Variants in ADGRL3 observed in about 807,000 individuals in gnomAD.
ADGRL3 encodes the protein calcium-independent alpha-latrotoxin receptor 3.
ADGRL3 carries 62 observed loss-of-function variants against 153.5 expected under a neutral mutation model. The observed-to-expected ratio is 0.40, with a 90% CI of 0.33 to 0.50. The LOEUF (loss-of-function observed/expected upper bound fraction) is 0.50, where lower values mean the gene tolerates loss of function less well. Ranked by LOEUF, ADGRL3 falls within the 20% of genes least tolerant of loss-of-function variation. The pLI, the probability that ADGRL3 is intolerant of heterozygous loss-of-function variation, is 0.47. For missense variants in ADGRL3, 1,641 were observed against 1,859.4 expected (o/e 0.88, Z 2.16); for synonymous variants, 710 against 672.5 (o/e 1.06, Z -0.86).
intron 2 of ADGRL3, among the ~76,000 whole-genome samples, chr4:61,415,622 A>C (rs895511474): frequency 2.0e-5 from 3 of 152,004 alleles, no homozygotes; most frequent in African/African-American, 7.2e-5. Context: ...GTCATACATA[A>C]ATTTGACCAT....
At chr4:61,649,209 T>A (rs1386294599) in intron 5 of ADGRL3, among the ~76,000 whole-genome samples, 1 of 152,090 alleles carries the variant, frequency 6.6e-6, no homozygotes, top group African/African-American at 2.4e-5. Flanking sequence ...CATATGGATG[T>A]AACATCGCTT....
intron 1 of ADGRL3, among the ~76,000 whole-genome samples, chr4:61,324,971 C>A (rs2095435770): frequency 6.6e-6 from 1 of 151,928 alleles, no homozygotes; most frequent in African/African-American, 2.4e-5. Flanking sequence ...TTCTTATTAC[C>A]ATTTGGAATT....
At chr4:61,370,967 C>T (rs1006544836) in intron 1 of ADGRL3, among the ~76,000 whole-genome samples, 24 of 150,780 alleles carry the variant, frequency 1.6e-4, no homozygotes, top group African/African-American at 5.8e-4. Flanking sequence ...TTGAATTGAT[C>T]CCTTTACCAT....
At chr4:61,694,202 T>A (rs2095598056) in intron 6 of ADGRL3, among the ~76,000 whole-genome samples, 1 of 90,712 alleles carries the variant, frequency 1.1e-5, no homozygotes, top group African/African-American at 4.7e-5. Flanking sequence ...TTTTTTTTTT[T>A]TTTTTTTTTT....
At chr4:61,433,821 T>A (rs2097407115) in intron 2 of ADGRL3, among the ~76,000 whole-genome samples, 1 of 152,202 alleles carries the variant, frequency 6.6e-6, no homozygotes, top group Non-Finnish European at 1.5e-5. Flanking sequence ...AATATTTTTT[T>A]AAAATCTTTT....
intron 5 of ADGRL3, among the ~76,000 whole-genome samples, chr4:61,604,004 G>A (rs970667257): frequency 2.0e-5 from 3 of 152,170 alleles, no homozygotes; most frequent in Non-Finnish European, 2.9e-5. Context: ...TCCTGCATGA[G>A]AGAGACATTT....
At chr4:61,757,560 CA>C (rs1324421957) in intron 8 of ADGRL3, among the ~76,000 whole-genome samples, 8 of 151,948 alleles carry the variant, frequency 5.3e-5, no homozygotes, top group African/African-American at 1.4e-4. Flanking sequence ...TTGATCTTTT[CA>C]AAAAACCAGC....
At chr4:61,682,419 T>A (rs75196501) in intron 6 of ADGRL3, among the ~76,000 whole-genome samples, 3,192 of 152,186 alleles carry the variant, frequency 0.021, 106 homozygotes, top group East Asian at 0.17. Flanking sequence ...TTCATAAAGG[T>A]CTGGGAAATG....
At chr4:61,454,413 T>G (rs2097710343) in intron 2 of ADGRL3, among the ~76,000 whole-genome samples, 1 of 152,172 alleles carries the variant, frequency 6.6e-6, no homozygotes. Flanking sequence ...CATTTTAAAT[T>G]TACTTCAAAG....
intron 8 of ADGRL3, among the ~76,000 whole-genome samples, chr4:61,794,136 T>C (rs971028438): frequency 6.6e-6 from 1 of 152,138 alleles, no homozygotes; most frequent in Non-Finnish European, 1.5e-5. Flanking sequence ...GAGAACCAGG[T>C]AGATCATAGT....
chr4:61,821,729 A>G (rs763666567), intron 9 of ADGRL3, among the ~76,000 whole-genome samples: 2 of 152,212 alleles, frequency 1.3e-5, no homozygotes, highest in Non-Finnish European at 2.9e-5. Flanking sequence ...AAACCAAGTA[A>G]TATAAATATG....
intron 1 of ADGRL3, among the ~76,000 whole-genome samples, chr4:61,363,840 CT>C (rs1436793849): frequency 6.6e-6 from 1 of 151,916 alleles, no homozygotes; most frequent in Non-Finnish European, 1.5e-5. Flanking sequence ...GGCAAAAGTA[CT>C]TTAAGTAAGT....
intron 2 of ADGRL3, among the ~76,000 whole-genome samples, chr4:61,435,472 A>G (rs76164995): frequency 0.035 from 5,284 of 152,208 alleles, 111 homozygotes; most frequent in South Asian, 0.085. Context: ...CCACATCAGT[A>G]CATTTCTTGA....
chr4:61,397,124 A>G (rs1051331331), intron 2 of ADGRL3, among the ~76,000 whole-genome samples: 11 of 151,860 alleles, frequency 7.2e-5, no homozygotes, highest in African/African-American at 2.4e-4. Context: ...AATATCATCA[A>G]ATTTTATGAC....
chr4:61,762,192 T>G (rs569257745), intron 8 of ADGRL3, among the ~76,000 whole-genome samples: 24 of 152,182 alleles, frequency 1.6e-4, no homozygotes, highest in Non-Finnish European at 2.9e-4. Context: ...GATAACTGAT[T>G]ATGAGTGATT....
At chr4:61,549,866 T>A (rs1477979997) in intron 4 of ADGRL3, among the ~76,000 whole-genome samples, 1 of 151,994 alleles carries the variant, frequency 6.6e-6, no homozygotes, top group Non-Finnish European at 1.5e-5. Flanking sequence ...GGGATAAGAT[T>A]TTTCTTTCAG....
chr4:61,910,372 T>TAA (rs1246940784), intron 12 of ADGRL3, among the ~76,000 whole-genome samples: 1 of 151,800 alleles, frequency 6.6e-6, no homozygotes, highest in Non-Finnish European at 1.5e-5. Flanking sequence ...AATTTGTAAG[T>TAA]AAAATAAATT....
chr4:61,414,609 G>A (rs929901804), intron 2 of ADGRL3, among the ~76,000 whole-genome samples: 18 of 151,596 alleles, frequency 1.2e-4, no homozygotes, highest in Admixed American at 9.9e-4. Flanking sequence ...GTCATTGAGT[G>A]GTTTTGCGGT....
At chr4:61,716,802 G>A (rs1010971453) in intron 6 of ADGRL3, among the ~76,000 whole-genome samples, 12 of 152,240 alleles carry the variant, frequency 7.9e-5, no homozygotes, top group African/African-American at 2.6e-4. Flanking sequence ...ATGAAACTAT[G>A]CGTGTTTTGA....
Sources: allele counts gnomAD v4.1 joint callset (sites outside exome capture counted in the v4.1 genomes callset), GRCh38; gene constraint gnomAD v4.1.1; transcripts MANE v1.5; gene names NCBI Gene and HGNC (gene_info 2026-07-23, HGNC 2026-07-21).